UGGT2: variants seen among roughly 807,000 people sequenced by gnomAD.
UGGT2 encodes UDP-glucose:glycoprotein glucosyltransferase 2.
Under a neutral mutation model 192.1 loss-of-function variants are expected in UGGT2, and 180 were observed. That is an observed-to-expected ratio of 0.94 (90% CI 0.83 to 1.06). The LOEUF is 1.06. Among genes scored for constraint, UGGT2 ranks in the 50% least tolerant of loss-of-function variants. The pLI, the probability that UGGT2 is intolerant of heterozygous loss-of-function variation, is 0.00. For missense variants in UGGT2, 1,849 were observed against 1,795.7 expected (o/e 1.03, Z -0.54); for synonymous variants, 580 against 591.0 (o/e 0.98, Z 0.27).
intron 12 of UGGT2, among the ~76,000 whole-genome samples, chr13:95,967,476 GT>G (rs56772987): frequency 0.56 from 70,860 of 127,246 alleles, 18,654 homozygotes; most frequent in East Asian, 0.65. Flanking sequence ...CAACTTTTTT[GT>G]TTTTTTTTTT....
At chr13:95,923,353 C>A (rs896910753) in intron 20 of UGGT2, among the ~76,000 whole-genome samples, 6 of 150,186 alleles carry the variant, frequency 4.0e-5, no homozygotes, top group African/African-American at 1.5e-4. Context: ...GCCACCATGC[C>A]TGGCTCAGCA....
At chr13:95,974,170 C>A (rs1199527346) in intron 10 of UGGT2, among the ~76,000 whole-genome samples, 1 of 152,168 alleles carries the variant, frequency 6.6e-6, no homozygotes, top group Non-Finnish European at 1.5e-5. Context: ...TTGTTTTATA[C>A]AGAATACTGG....
rs775412615 is a variant in UGGT2, at chr13:96,023,690, T to C, written c.311A>G (p.Asn104Ser). The C allele has an allele frequency of 1.5e-4, 236 of 1,612,018 alleles. No individual in the cohort carries two copies. The highest frequency in any genetic ancestry group is 1.9e-4 in the Non-Finnish European group (229 of 1,178,726). ...TATAGAGAAAGCAAACTTTAAAAGG[T>C]TGATGTGTAAATTGTCTAGAAACTG... ...AGQFLDNLHI[N>S]LLKFAFSIRA... Residue 104 changes from asparagine to serine, a missense_variant, in exon 3 of 39, where the codon AAC (asparagine) becomes AGC (serine). Physicochemically the swap from Asn to Ser is conservative, Grantham distance 46. Coordinates refer to ENST00000376747, the MANE Select transcript of UGGT2 (RefSeq NM_020121.4).
At position 95,833,030 on chromosome 13, in the gene UGGT2, T is replaced by C; in HGVS notation, c.4425A>G (p.Glu1475=). 1 of 1,612,442 alleles carries C rather than the reference T, an allele frequency of 6.2e-7. No individual in the cohort carries two copies. ...TTCTGGCAGCAGCTTTTAGTTTGGA[T>C]TCTTTTGTTTTGGGATTATTGCACT... ...IDLCNNPKTK[E]SKLKAAARIV... The change falls in exon 38 of 39, where the codon GAA becomes GAG. Residue 1475 remains glutamate, a synonymous_variant. Transcript: ENST00000376747.
intron 38 of UGGT2, among the ~76,000 whole-genome samples, chr13:95,832,025 CTTTTTTTTTTTAAAGGAAAACTTTT>C (rs1566560594): frequency 2.8e-5 from 4 of 142,140 alleles, no homozygotes; most frequent in Non-Finnish European, 6.2e-5. Flanking sequence ...ACCAAGAAAA[CTTTTTTTTTTTAAAGGAAAACTTTT>C]TTTTTTTTTT....
chr13:95,816,937 G>A (rs1055649087), intron 38 of UGGT2, among the ~76,000 whole-genome samples: 10 of 152,136 alleles, frequency 6.6e-5, no homozygotes, highest in African/African-American at 2.2e-4. Flanking sequence ...GACCAGCCTG[G>A]CCAACATGGC....
At position 95,965,492 on chromosome 13, in the gene UGGT2, C is replaced by CA. The variant is rs1190504198; in HGVS notation, c.1335+4619dup. Reference sequence around the variant, plus strand: ...CATTCTCAGTAAACTATCACAAGGACAAAAAACCAAACACCGCCATGTTCT... The same window carrying CA: ...CATTCTCAGTAAACTATCACAAGGACAAAAAAACCAAACACCGCCATGTTCT... On this transcript the variant is annotated intron_variant, in intron 12 of 38. Coordinates refer to ENST00000376747, the MANE Select transcript of UGGT2 (RefSeq NM_020121.4). 8.8e-5 allele frequency among the ~76,000 whole-genome samples: 13 copies of CA among 147,220 alleles called. No homozygotes were observed. The East Asian group carries it at 1.0e-3, about 12-fold the overall frequency.
intron 1 of UGGT2, among the ~76,000 whole-genome samples, chr13:96,051,545 A>C (rs1053155758): frequency 7.2e-5 from 11 of 152,312 alleles, no homozygotes; most frequent in Non-Finnish European, 1.5e-5. Context: ...TCAGCAGAGT[A>C]AACAGACAAC....
chr13:95,830,721 G>A (rs1025820135), intron 38 of UGGT2, among the ~76,000 whole-genome samples: 24 of 152,124 alleles, frequency 1.6e-4, no homozygotes, highest in East Asian at 5.8e-4. Context: ...TCAGTGTGGC[G>A]ATTCCTCAAG....
At chr13:96,039,389 C>T (rs913933177) in intron 1 of UGGT2, among the ~76,000 whole-genome samples, 5 of 152,196 alleles carry the variant, frequency 3.3e-5, no homozygotes, top group East Asian at 1.9e-4. Flanking sequence ...CATCATTACA[C>T]GGATCCTCCC....
At chr13:95,934,773 T>C (rs1278439343) in intron 17 of UGGT2, among the ~76,000 whole-genome samples, 1 of 152,132 alleles carries the variant, frequency 6.6e-6, no homozygotes, top group Non-Finnish European at 1.5e-5. Context: ...CCTTCCAAAG[T>C]GGTGGGATTA....
At chr13:96,052,916 C>A (rs1457608298) in intron 1 of UGGT2, among the ~76,000 whole-genome samples, 1 of 152,216 alleles carries the variant, frequency 6.6e-6, no homozygotes, top group Non-Finnish European at 1.5e-5. Context: ...GGCAGGGAAG[C>A]TTTAAAAATC....
At chr13:95,828,400 TCAA>T (rs1886270958) in intron 38 of UGGT2, among the ~76,000 whole-genome samples, 1 of 151,978 alleles carries the variant, frequency 6.6e-6, no homozygotes, top group Non-Finnish European at 1.5e-5. Context: ...TTTGAAAAGA[TCAA>T]CAAAATTGAC....
intron 22 of UGGT2, among the ~76,000 whole-genome samples, chr13:95,898,823 C>A (rs1293264365): frequency 1.3e-5 from 2 of 152,196 alleles, no homozygotes; most frequent in Non-Finnish European, 2.9e-5. Flanking sequence ...ATGCCAGTGC[C>A]TTGATCTTGG....
chr13:95,859,912 T>A (rs942935575), intron 32 of UGGT2: 2 of 340,060 alleles, frequency 5.9e-6, no homozygotes, highest in Non-Finnish European at 1.1e-5. Flanking sequence ...TAAACTAAAA[T>A]ATGGTTTATC....
At chr13:95,912,246 G>T (rs2048524636) in intron 20 of UGGT2, among the ~76,000 whole-genome samples, 1 of 152,180 alleles carries the variant, frequency 6.6e-6, no homozygotes, top group Non-Finnish European at 1.5e-5. Flanking sequence ...GGGCAGTCAG[G>T]CAAGAGAAAG....
chr13:96,012,174 T>C (rs1410979813), intron 5 of UGGT2, among the ~76,000 whole-genome samples: 3 of 152,044 alleles, frequency 2.0e-5, no homozygotes, highest in East Asian at 1.9e-4. Flanking sequence ...AAAATTAGCA[T>C]ATGATGGAGT....
At chr13:95,849,460 G>A (rs551375079) in intron 36 of UGGT2, among the ~76,000 whole-genome samples, 31 of 151,236 alleles carry the variant, frequency 2.0e-4, no homozygotes, top group African/African-American at 4.8e-4. Flanking sequence ...GGAGAATGGC[G>A]TGAACCCAGG....
At chr13:95,903,188 T>C (rs1053613547) in intron 20 of UGGT2, 128 bp from the exon 21 acceptor site, 18 of 819,314 alleles carry the variant, frequency 2.2e-5, no homozygotes, top group South Asian at 2.0e-4. Context: ...AGCCCTCCCA[T>C]GTTTACTGTA....
Sources: gnomAD v4.1 joint callset for allele counts (sites outside exome capture counted in the v4.1 genomes callset) on GRCh38, gnomAD v4.1.1 for gene constraint, MANE v1.5 for transcripts, NCBI Gene and HGNC (gene_info 2026-07-23, HGNC 2026-07-21) for gene names.